The following SPAG16 variants were observed in gnomAD, a reference collection of about 807,000 sequenced individuals.
SPAG16 encodes the protein sperm associated antigen 16.
Under a neutral mutation model 80.4 loss-of-function variants are expected in SPAG16, and 86 were observed. The ratio of observed to expected loss-of-function variants is 1.07; its 90% CI spans 0.90 to 1.28. SPAG16 has a LOEUF of 1.28. Ranked by LOEUF, SPAG16 falls within the 50% of genes most tolerant of loss-of-function variation. The pLI is 0.00. For missense variants in SPAG16, 870 were observed against 765.3 expected (o/e 1.14, Z -1.61); for synonymous variants, 294 against 265.9 (o/e 1.11, Z -1.03).
At chr2:214,251,204 C>A (rs1690267254) in intron 15 of SPAG16, among the ~76,000 whole-genome samples, 1 of 151,382 alleles carries the variant, frequency 6.6e-6, no homozygotes, top group South Asian at 2.1e-4. Flanking sequence ...CACACCTGCA[C>A]ACACACTTAA....
chr2:214,089,753 T>C (rs188397883), intron 13 of SPAG16, among the ~76,000 whole-genome samples: 15 of 152,158 alleles, frequency 9.9e-5, no homozygotes, highest in Admixed American at 9.2e-4. Context: ...TTCTCTGAGG[T>C]TCTCTAAGAA....
At chr2:213,434,670 A>G (rs1034198754) in intron 9 of SPAG16, among the ~76,000 whole-genome samples, 2 of 152,232 alleles carry the variant, frequency 1.3e-5, no homozygotes, top group African/African-American at 4.8e-5. Flanking sequence ...TTTCAAAAGA[A>G]GATATATAAA....
intron 10 of SPAG16, among the ~76,000 whole-genome samples, chr2:213,498,787 T>C (rs1449808375): frequency 6.6e-6 from 1 of 152,182 alleles, no homozygotes; most frequent in African/African-American, 2.4e-5. Flanking sequence ...TGAGTCTTTT[T>C]AACATCCTCT....
intron 9 of SPAG16, among the ~76,000 whole-genome samples, chr2:213,457,607 A>G (rs1230089619): frequency 6.6e-6 from 1 of 152,062 alleles, no homozygotes; most frequent in African/African-American, 2.4e-5. Context: ...CCCTTGTATT[A>G]AAATCTTTGT....
At chr2:213,545,322 T>C (rs1330077288) in intron 10 of SPAG16, among the ~76,000 whole-genome samples, 1 of 152,160 alleles carries the variant, frequency 6.6e-6, no homozygotes, top group Non-Finnish European at 1.5e-5. Flanking sequence ...TATTTTCTTA[T>C]TGTTGAGTTG....
intron 10 of SPAG16, among the ~76,000 whole-genome samples, chr2:213,788,495 G>C (rs182266290): frequency 2.2e-4 from 33 of 151,834 alleles, no homozygotes; most frequent in Non-Finnish European, 2.7e-4. Flanking sequence ...TTTTCTTTCT[G>C]TGCAAGATTC....
chr2:214,344,883 C>G (rs1054427708), intron 15 of SPAG16, among the ~76,000 whole-genome samples: 2 of 152,136 alleles, frequency 1.3e-5, no homozygotes, highest in African/African-American at 4.8e-5. Flanking sequence ...AGTAACTGGG[C>G]TCTTCATTCA....
intron 15 of SPAG16, among the ~76,000 whole-genome samples, chr2:214,185,954 A>G (rs369697237): frequency 6.6e-6 from 1 of 151,992 alleles, no homozygotes; most frequent in Non-Finnish European, 1.5e-5. Flanking sequence ...TATCTCCCCC[A>G]CTATAATGTA....
At chr2:214,237,689 T>C (rs13014055) in intron 15 of SPAG16, among the ~76,000 whole-genome samples, 78,840 of 151,784 alleles carry the variant, frequency 0.52, 23,705 homozygotes, top group South Asian at 0.7. Context: ...ATTCCAGTTA[T>C]GAGTTTACTC....
chr2:213,578,142 C>G (rs1010406606), intron 10 of SPAG16, among the ~76,000 whole-genome samples: 1 of 151,912 alleles, frequency 6.6e-6, no homozygotes, highest in Non-Finnish European at 1.5e-5. Flanking sequence ...GACAAGTACC[C>G]GAAACATGAC....
intron 11 of SPAG16, among the ~76,000 whole-genome samples, chr2:213,888,288 C>T (rs1376033232): frequency 6.6e-6 from 1 of 151,604 alleles, no homozygotes; most frequent in East Asian, 1.9e-4. Context: ...GTTATATTTT[C>T]TGACAAAGCT....
intron 14 of SPAG16, among the ~76,000 whole-genome samples, chr2:214,138,970 G>C (rs188420598): frequency 7.9e-5 from 12 of 152,180 alleles, no homozygotes; most frequent in African/African-American, 2.9e-4. Context: ...GTGATCTTGG[G>C]CTGGGTAACC....
chr2:213,374,035 G>A (rs968472096), intron 8 of SPAG16, among the ~76,000 whole-genome samples: 4 of 152,052 alleles, frequency 2.6e-5, no homozygotes, highest in African/African-American at 7.2e-5. Flanking sequence ...TAGCACCTTC[G>A]GGGAGGACAG....
At chr2:214,399,021 C>CTATCTTTTAT (rs1380275209) in intron 15 of SPAG16, among the ~76,000 whole-genome samples, 1 of 152,022 alleles carries the variant, frequency 6.6e-6, no homozygotes, top group East Asian at 1.9e-4. Context: ...GCTAGTGGTT[C>CTATCTTTTAT]TATCTTTTAT....
At chr2:213,897,886 T>C (rs75043219) in intron 11 of SPAG16, among the ~76,000 whole-genome samples, 4,837 of 152,272 alleles carry the variant, frequency 0.032, 89 homozygotes, top group East Asian at 0.082. Context: ...ATAGCAATCA[T>C]CCTCCTATAA....
chr2:213,833,829 A>C (rs760538416), intron 10 of SPAG16, among the ~76,000 whole-genome samples: 3 of 151,064 alleles, frequency 2.0e-5, no homozygotes, highest in Non-Finnish European at 2.9e-5. Flanking sequence ...CAGACCCATT[A>C]GTTATATGGG....
At chr2:213,759,110 C>A (rs2125513855) in intron 10 of SPAG16, among the ~76,000 whole-genome samples, 1 of 152,210 alleles carries the variant, frequency 6.6e-6, no homozygotes, top group South Asian at 2.1e-4. Flanking sequence ...TTAAGACATC[C>A]CCAGGAAAAC....
chr2:214,367,784 C>T (rs1046808420), intron 15 of SPAG16, among the ~76,000 whole-genome samples: 1 of 152,148 alleles, frequency 6.6e-6, no homozygotes, highest in Non-Finnish European at 1.5e-5. Context: ...TGATTATAAT[C>T]ATGCTGTATC....
chr2:213,510,197 C>T (rs1303854275), intron 10 of SPAG16, among the ~76,000 whole-genome samples: 4 of 152,030 alleles, frequency 2.6e-5, no homozygotes, highest in Admixed American at 2.6e-4. Context: ...CACTTCAAAC[C>T]CTTCCTGGAG....
Sources: allele counts gnomAD v4.1 joint callset (sites outside exome capture counted in the v4.1 genomes callset), GRCh38; gene constraint gnomAD v4.1.1; transcripts MANE v1.5; gene names NCBI Gene and HGNC (gene_info 2026-07-23, HGNC 2026-07-21).